DNAH6: variants seen among roughly 807,000 people sequenced by gnomAD.
DNAH6 encodes the protein dynein axonemal heavy chain 6, also known as axonemal beta dynein heavy chain 6.
In DNAH6, 340 loss-of-function variants were observed where a neutral mutation model predicts 491.4. The ratio of observed to expected loss-of-function variants is 0.69; its 90% CI spans 0.63 to 0.76. The LOEUF (loss-of-function observed/expected upper bound fraction) is 0.76, where lower values mean the gene tolerates loss of function less well. Ranked by LOEUF, DNAH6 falls within the 30% of genes least tolerant of loss-of-function variation. The pLI is 0.00. For missense variants in DNAH6, 4,443 were observed against 4,972.2 expected (o/e 0.89, Z 3.20); for synonymous variants, 1,603 against 1,686.1 (o/e 0.95, Z 1.21).
At chr2:84,663,106 C>T (rs1027971899) in intron 37 of DNAH6, among the ~76,000 whole-genome samples, 6 of 152,154 alleles carry the variant, frequency 3.9e-5, no homozygotes, top group Admixed American at 6.5e-5. Context: ...CATCAAAGAC[C>T]AAAGGTAGAT....
intron 28 of DNAH6, 106 bp downstream of exon 28, chr2:84,624,726 T>C: frequency 7.5e-7 from 1 of 1,326,644 alleles, no homozygotes; most frequent in Non-Finnish European, 1.0e-6. Flanking sequence ...TTATTATGAA[T>C]ACATCTTTGT....
At chr2:84,669,630 T>G in intron 38 of DNAH6, 120 bp downstream of exon 38, 2 of 861,548 alleles carry the variant, frequency 2.3e-6, no homozygotes, top group Non-Finnish European at 3.6e-6. Context: ...GTTTAGCACT[T>G]TTGCAGGAAG....
chr2:84,806,618 CAAA>C (rs1162301447), intron 71 of DNAH6, among the ~76,000 whole-genome samples: 5 of 38,500 alleles, frequency 1.3e-4, no homozygotes, highest in Non-Finnish European at 2.1e-4. Flanking sequence ...GACTCAGTCT[CAAA>C]AAAAAAAAAA....
intron 9 of DNAH6, among the ~76,000 whole-genome samples, chr2:84,550,745 C>T (rs1459811545): frequency 6.6e-6 from 1 of 152,036 alleles, no homozygotes; most frequent in African/African-American, 2.4e-5. Context: ...TCTTTGTCCC[C>T]AAAAGCTTAT....
At chr2:84,523,027 G>A (rs186275401) in intron 2 of DNAH6, among the ~76,000 whole-genome samples, 3 of 151,942 alleles carry the variant, frequency 2.0e-5, no homozygotes, top group Admixed American at 2.0e-4. Flanking sequence ...TTTTAGAATA[G>A]TTTCAGTAGG....
the DNAH6 span, among the ~76,000 whole-genome samples, chr2:84,507,191 C>T: frequency 3.3e-5 from 5 of 152,066 alleles, no homozygotes; most frequent in African/African-American, 1.2e-4. Flanking sequence ...ATTCTTCCTA[C>T]CCATGAGCAT....
the DNAH6 span, among the ~76,000 whole-genome samples, chr2:84,479,774 G>T: frequency 6.6e-6 from 1 of 152,204 alleles, no homozygotes; most frequent in Non-Finnish European, 1.5e-5. Context: ...CCTGAGAAAG[G>T]ACTCCAAGGT....
At chr2:84,777,764 C>A in intron 64 of DNAH6, 2 of 918,298 alleles carry the variant, frequency 2.2e-6, no homozygotes, top group Non-Finnish European at 3.7e-6. Context: ...CAGATTGCAA[C>A]CACTTCCAAT....
chr2:84,559,843 AG>A (rs1163855568), intron 11 of DNAH6, among the ~76,000 whole-genome samples: 1 of 152,228 alleles, frequency 6.6e-6, no homozygotes, highest in African/African-American at 2.4e-5. Flanking sequence ...AAAAGAAAAA[AG>A]ACAAAATCAT....
At chr2:84,612,987 A>T (rs1167300433) in intron 22 of DNAH6, among the ~76,000 whole-genome samples, 1 of 152,060 alleles carries the variant, frequency 6.6e-6, no homozygotes, top group Non-Finnish European at 1.5e-5. Context: ...TAGACTTGTT[A>T]TAAAATATAA....
chr2:84,584,305 T>G, intron 15 of DNAH6, 55 bp downstream of exon 15: 1 of 1,543,348 alleles, frequency 6.5e-7, no homozygotes. Context: ...TACTATTACA[T>G]TTGTTTATTA....
chr2:84,770,117 A>G (rs143896200), intron 64 of DNAH6, among the ~76,000 whole-genome samples: 18 of 152,342 alleles, frequency 1.2e-4, no homozygotes, highest in African/African-American at 4.3e-4. Flanking sequence ...TCTCTGTTGA[A>G]TTACTAGCTG....
chr2:84,657,491 T>C (rs1691091104), intron 35 of DNAH6, among the ~76,000 whole-genome samples: 1 of 152,048 alleles, frequency 6.6e-6, no homozygotes, highest in African/African-American at 2.4e-5. Context: ...TTAGTAGTTC[T>C]TTAGCTTCTT....
At chr2:84,803,979 C>G (rs901886289) in intron 70 of DNAH6, among the ~76,000 whole-genome samples, 3 of 151,998 alleles carry the variant, frequency 2.0e-5, no homozygotes, top group Admixed American at 2.0e-4. Flanking sequence ...GGCCAAGCCA[C>G]GTGAGTCACT....
At chr2:84,497,298 G>T in the DNAH6 span, among the ~76,000 whole-genome samples, 1 of 151,994 alleles carries the variant, frequency 6.6e-6, no homozygotes, top group Non-Finnish European at 1.5e-5. Flanking sequence ...TTTGTGTCTG[G>T]GTTTTTTTTT....
At chr2:84,470,797 C>T in the DNAH6 span, among the ~76,000 whole-genome samples, 26 of 152,108 alleles carry the variant, frequency 1.7e-4, no homozygotes, top group Non-Finnish European at 3.1e-4. Flanking sequence ...GTCATGGGGG[C>T]GACGAAGTCC....
chr2:84,609,760 C>A (rs1033142680), intron 21 of DNAH6, among the ~76,000 whole-genome samples: 2 of 151,836 alleles, frequency 1.3e-5, no homozygotes, highest in Non-Finnish European at 2.9e-5. Flanking sequence ...AATTTTGACC[C>A]AGAGACAAAG....
At chr2:84,617,090 A>T in intron 23 of DNAH6, 108 bp downstream of exon 23, 1 of 612,888 alleles carries the variant, frequency 1.6e-6, no homozygotes, top group Non-Finnish European at 2.8e-6. Flanking sequence ...AGAGAAACAA[A>T]AAAGATCTAC....
chr2:84,570,344 G>T (rs953472408), intron 11 of DNAH6, among the ~76,000 whole-genome samples: 2 of 151,970 alleles, frequency 1.3e-5, no homozygotes, highest in South Asian at 2.1e-4. Context: ...CTGTAAAAAT[G>T]CACCAATCAT....
Sources: allele counts gnomAD v4.1 joint callset (sites outside exome capture counted in the v4.1 genomes callset), GRCh38; gene constraint gnomAD v4.1.1; transcripts MANE v1.5; gene names NCBI Gene and HGNC (gene_info 2026-07-23, HGNC 2026-07-21).